The following CACNA1A variants were observed in gnomAD, a reference collection of about 807,000 sequenced individuals.
The protein encoded by CACNA1A is voltage-dependent P/Q-type calcium channel subunit alpha-1A.
Under a neutral mutation model 262.4 loss-of-function variants are expected in CACNA1A, and 57 were observed. That is an observed-to-expected ratio of 0.22 (90% CI 0.18 to 0.27). The LOEUF is 0.27. Ranked by LOEUF, CACNA1A falls within the 10% of genes least tolerant of loss-of-function variation. The pLI, the probability that CACNA1A is intolerant of heterozygous loss-of-function variation, is 1.00. For missense variants in CACNA1A, 2,526 were observed against 3,562.8 expected (o/e 0.71, Z 7.41); for synonymous variants, 1,431 against 1,419.3 (o/e 1.01, Z -0.18).
intron 3 of CACNA1A, among the ~76,000 whole-genome samples, chr19:13,438,478 C>A (rs1568645052): frequency 6.6e-6 from 1 of 152,186 alleles, no homozygotes; most frequent in Non-Finnish European, 1.5e-5. Flanking sequence ...GAAAAGCTGC[C>A]ATGTGAACTA....
chr19:13,214,044 G>A lies in CACNA1A; in HGVS notation c.5940+189C>T, dbSNP rs942242696. On this transcript the variant is annotated intron_variant, in intron 40 of 46. Coordinates refer to ENST00000360228, the MANE Select transcript of CACNA1A (RefSeq NM_001127222.2). The surrounding 1 kb of genome is among the most constrained non-coding windows in gnomAD (Gnocchi z 4.1). Reference sequence around the variant, plus strand: ...TGTTGCCCAGGGTGGTCTCATCCTGGTCTCAAACGATCCCTCTGCCCTGGC... The same window carrying A: ...TGTTGCCCAGGGTGGTCTCATCCTGATCTCAAACGATCCCTCTGCCCTGGC... 3.1e-5 allele frequency: 18 copies of A among 588,382 alleles called. No homozygotes were observed. The African/African-American group carries it at 3.2e-4, about 10-fold the overall frequency. The allele number at this position is 588,382 out of a possible 1,614,324, so 36.4% of individuals were successfully genotyped here.
chr19:13,268,793 C>G (rs1360158473), intron 24 of CACNA1A, among the ~76,000 whole-genome samples: 10 of 151,796 alleles, frequency 6.6e-5, no homozygotes. Flanking sequence ...AGTGGATTCT[C>G]CTCCACACCC....
chr19:13,340,336 G>A (rs1344824043), intron 6 of CACNA1A, among the ~76,000 whole-genome samples: 1 of 151,944 alleles, frequency 6.6e-6, no homozygotes, highest in Non-Finnish European at 1.5e-5. Context: ...GACTGTTTGA[G>A]CTCATTTAAT....
At chr19:13,247,540 G>A (rs1985579) in intron 30 of CACNA1A, among the ~76,000 whole-genome samples, 74,465 of 151,486 alleles carry the variant, frequency 0.49, 20,472 homozygotes, top group East Asian at 0.88. Context: ...AAAAATACAC[G>A]CACACAAAAA....
intron 8 of CACNA1A, among the ~76,000 whole-genome samples, 171 bp from the exon 9 acceptor site, chr19:13,333,096 G>T (rs1272992174): frequency 6.6e-6 from 1 of 152,064 alleles, no homozygotes; most frequent in Admixed American, 6.6e-5. Flanking sequence ...CCCCACCTCC[G>T]CAACAGTAGC....
At chr19:13,254,310 C>A (rs1181276390) in intron 29 of CACNA1A, among the ~76,000 whole-genome samples, 1 of 151,876 alleles carries the variant, frequency 6.6e-6, no homozygotes, top group Non-Finnish European at 1.5e-5. Flanking sequence ...GCTCCTTAGC[C>A]CTGGGGATTT....
chr19:13,211,100 G>A (rs2054795258), intron 43 of CACNA1A: 2 of 195,540 alleles, frequency 1.0e-5, no homozygotes, highest in South Asian at 1.7e-4. Flanking sequence ...GGTCCTGAGG[G>A]AGCAGCAGCA....
intron 32 of CACNA1A, 69 bp downstream of exon 32, chr19:13,235,545 A>G: frequency 2.8e-6 from 3 of 1,086,342 alleles, no homozygotes; most frequent in Non-Finnish European, 4.3e-6. Flanking sequence ...TCTGACTTCT[A>G]CATTCAGCCA....
At chr19:13,311,139 G>T (rs1050216906) in intron 12 of CACNA1A, among the ~76,000 whole-genome samples, 1 of 152,158 alleles carries the variant, frequency 6.6e-6, no homozygotes, top group Admixed American at 6.5e-5. Context: ...GTCCAGGCTG[G>T]AGGGCAGTGG....
chr19:13,408,498 G>T (rs749057810), intron 3 of CACNA1A, among the ~76,000 whole-genome samples: 2 of 152,132 alleles, frequency 1.3e-5, no homozygotes, highest in Non-Finnish European at 2.9e-5. Context: ...ACCTTTCTAG[G>T]CACTAAGTCC....
intron 11 of CACNA1A, 69 bp from the exon 12 acceptor site, chr19:13,312,850 G>T: frequency 1.4e-6 from 1 of 732,962 alleles, no homozygotes; most frequent in South Asian, 1.8e-5. Context: ...AGGTGGCTCT[G>T]ACTTTCCTTT....
In CACNA1A at chr19:13,506,283, C is replaced by T; in HGVS notation, c.-59G>A. 1.5e-6 allele frequency: 2 copies of T among 1,340,686 alleles called. No homozygotes were observed. The allele number at this position is 1,340,686 out of a possible 1,614,324, so 83.0% of individuals were successfully genotyped here. A position where few individuals can be genotyped will look rare whatever the true frequency, so the allele number is the denominator to read the frequency against. On this transcript the variant is annotated 5_prime_UTR_variant, in exon 1 of 47. Coordinates refer to ENST00000360228, the MANE Select transcript of CACNA1A (RefSeq NM_001127222.2). ...CGGCGAACGATGCGGAAGACGCCGC[C>T]GCCGCCGCCGCCGCCGCTGATGCTG...
intron 40 of CACNA1A, among the ~76,000 whole-genome samples, chr19:13,213,548 C>T (rs2054892777): frequency 6.6e-6 from 1 of 152,154 alleles, no homozygotes; most frequent in Admixed American, 6.6e-5. Flanking sequence ...GGATTCTGGC[C>T]TATTTTCCCC....
rs969360955 is a variant in CACNA1A, at chr19:13,219,256, G to C, written c.5732-4648C>G. On this transcript the variant is annotated intron_variant, in intron 38 of 46. Coordinates refer to ENST00000360228, the MANE Select transcript of CACNA1A (RefSeq NM_001127222.2). ...AGGGTTTCACCATGTTGGTCAGGCT[G>C]GTCTTGAACTCGTGACCTCAAGTGA... 3.5e-4 allele frequency among the ~76,000 whole-genome samples: 52 copies of C among 150,178 alleles called. No homozygotes were observed. The Middle Eastern group carries it at 0.01, about 30-fold the overall frequency.
At chr19:13,444,342 G>T (rs2060773470) in intron 3 of CACNA1A, among the ~76,000 whole-genome samples, 1 of 152,162 alleles carries the variant, frequency 6.6e-6, no homozygotes, top group Non-Finnish European at 1.5e-5. Context: ...TGCTGGTTGT[G>T]TTTTGTTGTT....
At position 13,241,461 on chromosome 19, in the gene CACNA1A, G is replaced by A. The variant is rs377709644; in HGVS notation, c.4950+3721C>T. On this transcript the variant is annotated intron_variant, in intron 31 of 46. Transcript: ENST00000360228. This position sits in a 1 kb window ranked among gnomAD's most constrained non-coding sequence, Gnocchi z 4.0. ...AGGGTGTGGCATGCAATGCCGACGC[G>A]AGGAGATGCGTTCACAGTTAATGTA... 73 of 1,237,424 alleles carry A rather than the reference G, an allele frequency of 5.9e-5. No individual in the cohort carries two copies. The highest frequency in any genetic ancestry group is 2.1e-4 in the East Asian group (8 of 38,240). The allele number at this position is 1,237,424 out of a possible 1,614,324, so 76.7% of individuals were successfully genotyped here.
intron 1 of CACNA1A, among the ~76,000 whole-genome samples, chr19:13,500,256 C>G (rs932187919): frequency 6.6e-6 from 1 of 152,154 alleles, no homozygotes; most frequent in Non-Finnish European, 1.5e-5. Context: ...TTATAGGACG[C>G]CTGCTTTGTC....
chr19:13,231,194 T>TA (rs1250490702), intron 35 of CACNA1A, among the ~76,000 whole-genome samples: 2 of 149,894 alleles, frequency 1.3e-5, no homozygotes, highest in Non-Finnish European at 3.0e-5. Context: ...TTTTTTTTTT[T>TA]AAAGAGATGG....
At chr19:13,245,895 C>A (rs111846256) in intron 30 of CACNA1A, among the ~76,000 whole-genome samples, 393 of 152,266 alleles carry the variant, frequency 2.6e-3, no homozygotes, top group Non-Finnish European at 4.9e-3. Flanking sequence ...TGGTCTCGAA[C>A]TTCTGACCTC....
Sources: gnomAD v4.1 joint callset for allele counts (sites outside exome capture counted in the v4.1 genomes callset) on GRCh38, gnomAD v4.1.1 for gene constraint, Gnocchi (gnomAD v3.1) non-coding constraint, MANE v1.5 for transcripts, NCBI Gene and HGNC (gene_info 2026-07-23, HGNC 2026-07-21) for gene names.